TOMM20: variants seen among roughly 807,000 people sequenced by gnomAD.
The protein encoded by TOMM20 is mitochondrial import receptor subunit TOM20 homolog.
In TOMM20, 10 loss-of-function variants were observed where a neutral mutation model predicts 22.1. The ratio of observed to expected loss-of-function variants is 0.45; its 90% confidence interval spans 0.28 to 0.77. The LOEUF is 0.77. Among genes scored for constraint, TOMM20 ranks in the 30% least tolerant of loss-of-function variants. The pLI, the probability that TOMM20 is intolerant of heterozygous loss-of-function variation, is 0.13. For missense variants in TOMM20, 121 were observed against 172.2 expected (o/e 0.70, Z 1.66); for synonymous variants, 55 against 61.4 (o/e 0.90, Z 0.49).
intron 1 of TOMM20, among the ~76,000 whole-genome samples, chr1:235,127,380 A>C (rs1218896218): frequency 1.3e-5 from 2 of 152,242 alleles, no homozygotes; most frequent in African/African-American, 4.8e-5. Context: ...GTCTGAATGT[A>C]AAACAGTATT....
chr1:235,113,239 T>A lies in TOMM20; in HGVS notation c.393+529A>T, dbSNP rs1030988861. Among the ~76,000 whole-genome samples the A allele has an allele frequency of 2.6e-5, 4 of 152,230 alleles. No homozygotes were observed. The South Asian group carries it at 8.3e-4, about 32-fold the overall frequency. ...ATCTTTTACAGTATATTAATGCTATTTTGCATTTTTGAGTAGGGATTTGGG... is the reference window on the plus strand; with the variant it reads ...ATCTTTTACAGTATATTAATGCTATATTGCATTTTTGAGTAGGGATTTGGG... On this transcript the variant is annotated intron_variant, in intron 4 of 4. Transcript: ENST00000366607.
intron 1 of TOMM20, chr1:235,127,957 T>C (rs766374339): frequency 1.9e-6 from 1 of 515,514 alleles, no homozygotes; most frequent in Non-Finnish European, 3.9e-6. Flanking sequence ...AGGCGGATCA[T>C]CTGAGGTCAG....
At chr1:235,112,817 T>C (rs929250639) in intron 4 of TOMM20, among the ~76,000 whole-genome samples, 1 of 152,222 alleles carries the variant, frequency 6.6e-6, no homozygotes, top group Non-Finnish European at 1.5e-5. Context: ...AAAAGTACTA[T>C]ACTATGCTGC....
At chr1:235,121,596 CTTAAT>C (rs968688762) in intron 2 of TOMM20, among the ~76,000 whole-genome samples, 2 of 152,180 alleles carry the variant, frequency 1.3e-5, no homozygotes, top group Non-Finnish European at 2.9e-5. Context: ...TACTGGTTAA[CTTAAT>C]TTTTCCTTGT....
intron 1 of TOMM20, among the ~76,000 whole-genome samples, chr1:235,123,253 G>A (rs1267143511): frequency 6.6e-6 from 1 of 152,194 alleles, no homozygotes; most frequent in East Asian, 1.9e-4. Context: ...TTAGGAGGCT[G>A]AGCCAGGCAG....
At chr1:235,128,417 G>T (rs570455818) in intron 1 of TOMM20, among the ~76,000 whole-genome samples, 178 bp downstream of exon 1, 40 of 152,352 alleles carry the variant, frequency 2.6e-4, no homozygotes, top group African/African-American at 9.4e-4. Flanking sequence ...CTCCAAAATG[G>T]AATTCCTACG....
intron 3 of TOMM20, among the ~76,000 whole-genome samples, chr1:235,115,823 A>G (rs1002829135): frequency 1.2e-4 from 19 of 152,218 alleles, no homozygotes; most frequent in Middle Eastern, 3.4e-3. Context: ...TTGCAACATT[A>G]CCTATGTGTA....
intron 1 of TOMM20, 113 bp downstream of exon 1, chr1:235,128,482 C>A (rs1423160152): frequency 6.5e-6 from 10 of 1,539,990 alleles, no homozygotes; most frequent in African/African-American, 1.4e-5. Flanking sequence ...TTGAGGGCCG[C>A]ACCACGCGGT....
chr1:235,114,649 A>G (rs1407806632), intron 3 of TOMM20, among the ~76,000 whole-genome samples: 2 of 151,976 alleles, frequency 1.3e-5, no homozygotes, highest in African/African-American at 4.8e-5. Context: ...GTGTTAGCCA[A>G]GATGGTCTCC....
At chr1:235,114,717 G>A (rs1660803298) in intron 3 of TOMM20, among the ~76,000 whole-genome samples, 2 of 152,142 alleles carry the variant, frequency 1.3e-5, no homozygotes, top group African/African-American at 4.8e-5. Context: ...GATTACAGGT[G>A]TGAGCCACCA....
At chr1:235,118,999 AAAC>A (rs1259959804) in intron 3 of TOMM20, among the ~76,000 whole-genome samples, 3 of 152,370 alleles carry the variant, frequency 2.0e-5, no homozygotes, top group African/African-American at 4.8e-5. Flanking sequence ...CCCATAAAAG[AAAC>A]AACAAAACAA....
intron 2 of TOMM20, among the ~76,000 whole-genome samples, chr1:235,121,462 T>A (rs1660929768): frequency 6.6e-6 from 1 of 152,256 alleles, no homozygotes; most frequent in East Asian, 1.9e-4. Flanking sequence ...ATAAACATAT[T>A]ACATACTTCA....
intron 1 of TOMM20, 67 bp downstream of exon 1, chr1:235,128,528 G>C: frequency 1.2e-6 from 2 of 1,606,978 alleles, no homozygotes; most frequent in African/African-American, 1.3e-5. Context: ...GGGAGGCAAT[G>C]ACCCCTCCTG....
Position 235,115,104 on chromosome 1 carries a change from T to C in TOMM20, c.251-1194A>G, listed in dbSNP as rs371166333. ...GTTGCTCAGCCTGGTCTCAAACTCCTGGACTCAAGTAATCCTCCTGCCTCC... is the reference window on the plus strand; with the variant it reads ...GTTGCTCAGCCTGGTCTCAAACTCCCGGACTCAAGTAATCCTCCTGCCTCC... On this transcript the variant is annotated intron_variant, in intron 3 of 4. Coordinates refer to ENST00000366607, the MANE Select transcript of TOMM20 (RefSeq NM_014765.3). 3.2e-4 allele frequency among the ~76,000 whole-genome samples: 49 copies of C among 152,008 alleles called. 1 individual carries two copies. The highest frequency in any genetic ancestry group is 1.1e-3 in the African/African-American group (46 of 41,496).
chr1:235,126,083 A>G (rs1263308842), intron 1 of TOMM20, among the ~76,000 whole-genome samples: 1 of 151,032 alleles, frequency 6.6e-6, no homozygotes, highest in Non-Finnish European at 1.5e-5. Flanking sequence ...AGATAGATAG[A>G]TAGATAAAGA....
intron 3 of TOMM20, 124 bp downstream of exon 3, chr1:235,119,694 G>C: frequency 1.8e-6 from 1 of 543,544 alleles, no homozygotes; most frequent in Non-Finnish European, 3.2e-6. Context: ...CTAAAAACTT[G>C]TCTTGAGATA....
rs1038913370 is a variant in TOMM20 at position 235,128,818 on chromosome 1, C to T, written c.-103G>A. On this transcript the variant is annotated 5_prime_UTR_variant, in exon 1 of 5. Transcript: ENST00000366607. Reference sequence around the variant, plus strand: ...CGGCGCAGCTCACACCCGACGGCCGCGGGCCAGGAACACAGAAAGGCCGAG... The same window carrying T: ...CGGCGCAGCTCACACCCGACGGCCGTGGGCCAGGAACACAGAAAGGCCGAG... The T allele has an allele frequency of 2.6e-6, 4 of 1,552,202 alleles. No individual in the cohort carries two copies. The highest frequency in any genetic ancestry group is 2.6e-6 in the Non-Finnish European group (3 of 1,150,898).
rs148327061 is a variant in TOMM20 at position 235,120,413 on chromosome 1, C to T, written c.169-514G>A. Among the ~76,000 whole-genome samples the T allele has an allele frequency of 2.1e-4, 32 of 151,864 alleles. No homozygotes were observed. In the East Asian group the frequency reaches 5.5e-3, roughly 26 times the overall value. ...TCAGCCTCCCGAGTAGCTGGGTGCCCGCCACCATGCCCAGCTAATTTTTGT... is the reference window on the plus strand; with the variant it reads ...TCAGCCTCCCGAGTAGCTGGGTGCCTGCCACCATGCCCAGCTAATTTTTGT... On this transcript the variant is annotated intron_variant, in intron 2 of 4. Coordinates refer to ENST00000366607, the MANE Select transcript of TOMM20 (RefSeq NM_014765.3).
intron 3 of TOMM20, among the ~76,000 whole-genome samples, chr1:235,117,586 T>C (rs1660857341): frequency 6.6e-6 from 1 of 152,162 alleles, no homozygotes; most frequent in Non-Finnish European, 1.5e-5. Context: ...TCATACCCGA[T>C]GCACTTGACC....
Sources: gnomAD v4.1 joint callset for allele counts (sites outside exome capture counted in the v4.1 genomes callset) on GRCh38, gnomAD v4.1.1 for gene constraint, MANE v1.5 for transcripts, NCBI Gene and HGNC (gene_info 2026-07-23, HGNC 2026-07-21) for gene names.